MARK4: variants seen among roughly 807,000 people sequenced by gnomAD.
MARK4 encodes MAP/microtubule affinity-regulating kinase 4.
In MARK4, 19 loss-of-function variants were observed where a neutral mutation model predicts 81.5. That is an observed-to-expected ratio of 0.23 (90% confidence interval 0.16 to 0.34). MARK4 has a LOEUF of 0.34. Among genes scored for constraint, MARK4 ranks in the 10% least tolerant of loss-of-function variants. The pLI is 1.00. For synonymous variants in MARK4, 436 were observed against 439.0 expected (o/e 0.99, Z 0.08); for missense variants, 772 against 1,058.8 (o/e 0.73, Z 3.76).
At chr19:45,282,819 G>A (rs555207464) in intron 12 of MARK4, among the ~76,000 whole-genome samples, 4 of 150,572 alleles carry the variant, frequency 2.7e-5, no homozygotes, top group African/African-American at 7.3e-5. Context: ...GCGAGACTCC[G>A]CCACCCCGCC....
At chr19:45,277,566 A>AT (rs887010337) in intron 8 of MARK4, among the ~76,000 whole-genome samples, 5 of 150,242 alleles carry the variant, frequency 3.3e-5, no homozygotes, top group African/African-American at 1.2e-4. Context: ...TGCTCAGGTC[A>AT]TTTTTTATTT....
rs76751146 is a variant in MARK4 at position 45,299,041 on chromosome 19, G to A, written c.1878-770G>A. Among the ~76,000 whole-genome samples, 473 of 138,524 alleles carry A rather than the reference G, an allele frequency of 3.4e-3. 16 individuals are homozygous for A. The East Asian group carries it at 0.078, about 23-fold the overall frequency. The allele number at this position is 138,524 out of a possible 152,430, so 90.9% of individuals were successfully genotyped here. A position where few individuals can be genotyped will look rare whatever the true frequency, so the allele number is the denominator to read the frequency against. On this transcript the variant is annotated intron_variant, in intron 15 of 16. Transcript: ENST00000262891. ...CTGTGAGCTATGATCATCAGTCTTG[G>A]CAACAGAGGGAGAACCTGTCTCTAA... is the stretch of plus-strand genomic sequence containing the variant.
At chr19:45,258,330 T>A (rs1349736221) in intron 1 of MARK4, among the ~76,000 whole-genome samples, 1 of 152,204 alleles carries the variant, frequency 6.6e-6, no homozygotes, top group African/African-American at 2.4e-5. Flanking sequence ...AAAAGATTCA[T>A]GTGCATTGCT....
Position 45,287,486 on chromosome 19 carries a change from C to T in MARK4, c.1316C>T (p.Pro439Leu), listed in dbSNP as rs755345178. The part of the protein sequence containing the change: ...SPAPLHPKRS[P>L]TSTGEAELKE... ...GCACCCCTGCACCCCAAACGCAGCC[C>T]GACGAGCACGGGGGAGGCGGAGCTG... Residue 439 changes from proline (P) to leucine (L), a missense_variant, in exon 13 of 17, where the codon CCG (proline) becomes CTG (leucine). By Grantham distance (98) the Pro-to-Leu change is moderately conservative. Coordinates refer to ENST00000262891, the MANE Select transcript of MARK4 (RefSeq NM_001199867.2). 1.3e-5 allele frequency: 19 copies of T among 1,498,704 alleles called. No individual in the cohort carries two copies. The highest frequency in any genetic ancestry group is 2.4e-5 in the East Asian group (1 of 41,788). 92.8% of individuals were successfully genotyped at this position (1,498,704 alleles called of 1,614,324 possible). A position where few individuals can be genotyped will look rare whatever the true frequency, so the allele number is the denominator to read the frequency against.
chr19:45,272,391 G>T (rs1470578995), intron 8 of MARK4, among the ~76,000 whole-genome samples: 1 of 152,076 alleles, frequency 6.6e-6, no homozygotes, highest in East Asian at 1.9e-4. Flanking sequence ...GGTGAACCTT[G>T]AAAACATTGT....
intron 8 of MARK4, among the ~76,000 whole-genome samples, chr19:45,273,319 G>A (rs1460698079): frequency 2.0e-5 from 3 of 152,162 alleles, no homozygotes; most frequent in African/African-American, 7.2e-5. Flanking sequence ...CATTGATGGC[G>A]CATTTGACAG....
intron 1 of MARK4, among the ~76,000 whole-genome samples, chr19:45,252,273 C>G (rs1045701172): frequency 1.3e-5 from 2 of 152,118 alleles, no homozygotes; most frequent in Non-Finnish European, 2.9e-5. Context: ...GGCCTGGTCC[C>G]CATCTTCCAA....
At chr19:45,294,121 C>G (rs1431265897) in intron 13 of MARK4, among the ~76,000 whole-genome samples, 2 of 152,074 alleles carry the variant, frequency 1.3e-5, no homozygotes, top group Admixed American at 6.6e-5. Flanking sequence ...TCCCTCAGTG[C>G]CCCCCTCTTC....
At position 45,294,324 on chromosome 19, in the gene MARK4, C is replaced by T. The variant is rs372571593; in HGVS notation, c.1495-25C>T. On this transcript the variant is annotated intron_variant, in intron 13 of 16. Transcript: ENST00000262891. ...AGGGGCATGTCTTCACCCCCTCACT[C>T]CCTTCCTGGCTGTGTCTCCTGCAGA... 2.5e-6 allele frequency: 4 copies of T among 1,609,332 alleles called. No homozygotes were observed. The African/African-American group carries it at 4.0e-5, about 16-fold the overall frequency.
In MARK4 at chr19:45,264,540, T is replaced by G. The variant is rs189342128; in HGVS notation, c.356-144T>G. On this transcript the variant is annotated intron_variant, in intron 4 of 16. Transcript: ENST00000262891. Reference sequence around the variant, plus strand: ...GGGTGGTAGAGGGGGCTGAGGAGTTTGGAAAATCTTGCTGTCAGTAGGGAG... The same window carrying G: ...GGGTGGTAGAGGGGGCTGAGGAGTTGGGAAAATCTTGCTGTCAGTAGGGAG... The G allele has an allele frequency of 2.8e-5, 21 of 762,332 alleles. No individual in the cohort carries two copies. In the African/African-American group the frequency reaches 3.5e-4, roughly 13 times the overall value. 47.2% of individuals were successfully genotyped at this position (762,332 alleles called of 1,614,324 possible).
chr19:45,259,143 A>G lies in MARK4; in HGVS notation c.206A>G (p.Asn69Ser), dbSNP rs1157095034. ...CTGCTGAGGACCATTGGGAAGGGCAACTTTGCCAAAGTCAAGCTGGCTCGG... is the reference window on the plus strand; with the variant it reads ...CTGCTGAGGACCATTGGGAAGGGCAGCTTTGCCAAAGTCAAGCTGGCTCGG... Reference protein sequence around the residue: ...YRLLRTIGKGNFAKVKLARHI... With the variant: ...YRLLRTIGKGSFAKVKLARHI... The change falls in exon 2 of 17, where the codon AAC becomes AGC. Residue 69 changes from asparagine to serine, a missense_variant. Physicochemically the swap from Asn to Ser is conservative, Grantham distance 46. Around this residue, in one of 3 missense-constraint regions of MARK4, gnomAD observed 115 missense variants for 139.8 expected, o/e 0.82. Coordinates refer to ENST00000262891, the MANE Select transcript of MARK4 (RefSeq NM_001199867.2). 6.2e-7 allele frequency: 1 copy of G among 1,614,170 alleles called. No individual in the cohort carries two copies.
At chr19:45,259,817 T>C (rs568117012) in intron 2 of MARK4, among the ~76,000 whole-genome samples, 1 of 151,786 alleles carries the variant, frequency 6.6e-6, no homozygotes, top group South Asian at 2.1e-4. Flanking sequence ...CTGGGCATGG[T>C]GGCTTACGCC....
At chr19:45,276,961 G>A (rs951201471) in intron 8 of MARK4, among the ~76,000 whole-genome samples, 2 of 151,500 alleles carry the variant, frequency 1.3e-5, no homozygotes, top group African/African-American at 4.8e-5. Flanking sequence ...TAACTCACCT[G>A]TACCCTGGTA....
intron 8 of MARK4, among the ~76,000 whole-genome samples, chr19:45,272,847 C>T (rs1211659234): frequency 6.6e-6 from 1 of 152,120 alleles, no homozygotes; most frequent in Non-Finnish European, 1.5e-5. Flanking sequence ...AAGATTGTGC[C>T]ACTGCACTCC....
rs1322605366 is a variant in MARK4 at position 45,290,115 on chromosome 19, A to C, written c.1494+2451A>C. The stretch of plus-strand genomic sequence containing the variant: ...GAGACCTTGTCTCAAAGAAACAAAC[A>C]AAAAAGTTTTTAAATACTAATTTTT... On this transcript the variant is annotated intron_variant, in intron 13 of 16. Transcript: ENST00000262891. 2.0e-5 allele frequency among the ~76,000 whole-genome samples: 3 copies of C among 152,210 alleles called. No homozygotes were observed. In the East Asian group the frequency reaches 5.8e-4, roughly 29 times the overall value.
At chr19:45,286,743 T>A (rs8106469) in intron 12 of MARK4, among the ~76,000 whole-genome samples, 105,965 of 151,770 alleles carry the variant, frequency 0.7, 38,258 homozygotes, top group African/African-American at 0.82. Context: ...GAAGGAAACT[T>A]AAGATATATA....
At chr19:45,257,445 G>A (rs1180259623) in intron 1 of MARK4, among the ~76,000 whole-genome samples, 5 of 146,974 alleles carry the variant, frequency 3.4e-5, no homozygotes, top group East Asian at 2.0e-4. Context: ...GTGCAGTGGC[G>A]CGATCTCAGC....
intron 1 of MARK4, among the ~76,000 whole-genome samples, chr19:45,254,682 G>A (rs762782380): frequency 9.2e-5 from 14 of 152,324 alleles, no homozygotes; most frequent in East Asian, 1.9e-4. Context: ...AGTGGCGGAC[G>A]CGTGGTTAGA....
chr19:45,260,218 C>T (rs754038897), intron 2 of MARK4, among the ~76,000 whole-genome samples: 19 of 151,048 alleles, frequency 1.3e-4, no homozygotes, highest in East Asian at 3.9e-4. Context: ...GGTAAAACCC[C>T]GTCTCTACTA....
Sources: allele counts gnomAD v4.1 joint callset (sites outside exome capture counted in the v4.1 genomes callset), GRCh38; gene constraint gnomAD v4.1.1; regional missense constraint gnomAD v4.1.1; transcripts MANE v1.5; gene names NCBI Gene and HGNC (gene_info 2026-07-23, HGNC 2026-07-21).